The following CTNNA2 variants were observed in gnomAD, a reference collection of about 807,000 sequenced individuals.
The protein encoded by CTNNA2 is catenin alpha 2.
Under a neutral mutation model 101.0 loss-of-function variants are expected in CTNNA2, and 42 were observed. That is an observed-to-expected ratio of 0.42 (90% CI 0.32 to 0.54). The LOEUF is 0.54. Among genes scored for constraint, CTNNA2 ranks in the 20% least tolerant of loss-of-function variants. The pLI, the probability that CTNNA2 is intolerant of heterozygous loss-of-function variation, is 0.14. For missense variants in CTNNA2, 871 were observed against 1,223.1 expected (o/e 0.71, Z 4.29); for synonymous variants, 450 against 456.4 (o/e 0.99, Z 0.18).
chr2:80,231,836 T>C (rs1558925875), intron 7 of CTNNA2, among the ~76,000 whole-genome samples: 2 of 152,226 alleles, frequency 1.3e-5, no homozygotes, highest in African/African-American at 4.8e-5. Context: ...ATTTGCATTC[T>C]GTAGAGAATC....
chr2:79,850,292 C>T (rs1344169542), intron 3 of CTNNA2, among the ~76,000 whole-genome samples: 1 of 108,268 alleles, frequency 9.2e-6, no homozygotes, highest in Non-Finnish European at 1.8e-5. Context: ...TCCTTCCTCC[C>T]TCCCTCCCCC....
At chr2:80,534,246 A>G (rs1317241131) in intron 9 of CTNNA2, among the ~76,000 whole-genome samples, 1 of 152,174 alleles carries the variant, frequency 6.6e-6, no homozygotes, top group Non-Finnish European at 1.5e-5. Flanking sequence ...TCAAGGGTAC[A>G]ATGCCTGGTG....
At chr2:80,625,956 T>C (rs954427955) in intron 18 of CTNNA2, among the ~76,000 whole-genome samples, 1 of 152,094 alleles carries the variant, frequency 6.6e-6, no homozygotes, top group African/African-American at 2.4e-5. Flanking sequence ...GAAAAGATTA[T>C]GCCATAGAAA....
chr2:79,996,297 T>A (rs1692539481), intron 7 of CTNNA2, among the ~76,000 whole-genome samples: 1 of 152,204 alleles, frequency 6.6e-6, no homozygotes, highest in African/African-American at 2.4e-5. Flanking sequence ...ATAAACAGCA[T>A]CCTAGTGAGT....
intron 7 of CTNNA2, among the ~76,000 whole-genome samples, chr2:80,096,449 G>A (rs1035728928): frequency 6.6e-6 from 1 of 152,160 alleles, no homozygotes; most frequent in Non-Finnish European, 1.5e-5. Context: ...TGGAATAGGT[G>A]CGGTGTGGTG....
chr2:79,794,469 A>G (rs542630065), intron 3 of CTNNA2, among the ~76,000 whole-genome samples: 1 of 152,340 alleles, frequency 6.6e-6, no homozygotes, highest in South Asian at 2.1e-4. Flanking sequence ...GCTCTGGGAT[A>G]AGTAAACATC....
At chr2:79,390,184 C>G (rs1255729208) in intron 4 of CTNNA2, among the ~76,000 whole-genome samples, 1 of 152,148 alleles carries the variant, frequency 6.6e-6, no homozygotes. Context: ...TGATTCATCT[C>G]TTTTGGCAGC....
chr2:80,427,931 G>GGAGA (rs1362980454), intron 9 of CTNNA2, among the ~76,000 whole-genome samples: 1 of 152,204 alleles, frequency 6.6e-6, no homozygotes, highest in Non-Finnish European at 1.5e-5. Context: ...GATAAGAAAG[G>GGAGA]GAGAGGTAAG....
intron 2 of CTNNA2, among the ~76,000 whole-genome samples, chr2:79,276,962 A>T (rs1675227529): frequency 6.6e-6 from 1 of 152,148 alleles, no homozygotes; most frequent in Admixed American, 6.6e-5. Flanking sequence ...ACACATGCAA[A>T]CATGTGCACA....
intron 7 of CTNNA2, among the ~76,000 whole-genome samples, chr2:79,932,795 C>A (rs1371955568): frequency 6.6e-6 from 1 of 152,146 alleles, no homozygotes; most frequent in South Asian, 2.1e-4. Context: ...ACAAACTTGA[C>A]AAACCACCCC....
At chr2:79,714,851 T>C in intron 2 of CTNNA2, among the ~76,000 whole-genome samples, 1 of 151,940 alleles carries the variant, frequency 6.6e-6, no homozygotes, top group East Asian at 1.9e-4. Context: ...TCAACTAGCA[T>C]GGCATGCATT....
At chr2:80,017,915 G>C (rs1044139453) in intron 7 of CTNNA2, among the ~76,000 whole-genome samples, 1 of 150,852 alleles carries the variant, frequency 6.6e-6, no homozygotes, top group Non-Finnish European at 1.5e-5. Context: ...TTTAGAAAAT[G>C]GATATAATCT....
intron 9 of CTNNA2, among the ~76,000 whole-genome samples, chr2:80,524,992 T>TA (rs1388546062): frequency 1.3e-5 from 2 of 152,128 alleles, no homozygotes; most frequent in Non-Finnish European, 2.9e-5. Context: ...GTTACATGAG[T>TA]AAGTTCTTTA....
intron 7 of CTNNA2, among the ~76,000 whole-genome samples, chr2:80,194,397 G>A (rs1706706826): frequency 6.6e-6 from 1 of 152,042 alleles, no homozygotes; most frequent in African/African-American, 2.4e-5. Flanking sequence ...TGTTCTTAGG[G>A]CAACTATACT....
intron 4 of CTNNA2, among the ~76,000 whole-genome samples, chr2:79,399,385 G>T (rs1678266312): frequency 6.6e-6 from 1 of 152,070 alleles, no homozygotes; most frequent in African/African-American, 2.4e-5. Context: ...AGACCTTAAG[G>T]CTGTAGACAG....
chr2:80,448,011 C>T (rs932519133), intron 9 of CTNNA2, among the ~76,000 whole-genome samples: 1 of 152,150 alleles, frequency 6.6e-6, no homozygotes. Flanking sequence ...GTAAAGTCTC[C>T]GATAACTAAA....
At chr2:80,608,344 G>A in intron 17 of CTNNA2, 26 bp downstream of exon 17, 1 of 1,594,710 alleles carries the variant, frequency 6.3e-7, no homozygotes, top group Non-Finnish European at 8.6e-7. Flanking sequence ...GCTTCACAAT[G>A]TAAAGTTCCC....
chr2:79,662,136 A>C (rs956921979), intron 2 of CTNNA2, among the ~76,000 whole-genome samples: 1 of 151,914 alleles, frequency 6.6e-6, no homozygotes, highest in Non-Finnish European at 1.5e-5. Context: ...GTATCGCCTA[A>C]TCTTTGTCCA....
chr2:80,056,221 G>A (rs995502756), intron 7 of CTNNA2, among the ~76,000 whole-genome samples: 1 of 152,168 alleles, frequency 6.6e-6, no homozygotes, highest in African/African-American at 2.4e-5. Context: ...CATGAGAGAG[G>A]CATGCCTTCT....
Sources: gnomAD v4.1 joint callset for allele counts (sites outside exome capture counted in the v4.1 genomes callset) on GRCh38, gnomAD v4.1.1 for gene constraint, MANE v1.5 for transcripts, NCBI Gene and HGNC (gene_info 2026-07-23, HGNC 2026-07-21) for gene names.